The following OXR1 variants were observed in gnomAD, a reference collection of about 807,000 sequenced individuals.
OXR1 encodes the protein oxidation resistance protein 1.
OXR1 carries 41 observed loss-of-function variants against 104.6 expected under a neutral mutation model. The ratio of observed to expected loss-of-function variants is 0.39; its 90% CI spans 0.31 to 0.51. The LOEUF is 0.51. OXR1 is among the 20% of genes least tolerant of loss of function. The pLI is 0.77. For synonymous variants in OXR1, 348 were observed against 348.4 expected (o/e 1.00, Z 0.01); for missense variants, 955 against 1,031.9 (o/e 0.93, Z 1.02).
chr8:106,522,466 A>G (rs764140633), intron 3 of OXR1, among the ~76,000 whole-genome samples: 1 of 152,168 alleles, frequency 6.6e-6, no homozygotes, highest in East Asian at 1.9e-4. Flanking sequence ...AATATTTTCA[A>G]TCAGTGGTTA....
chr8:106,657,270 A>C (rs761660328), intron 3 of OXR1, among the ~76,000 whole-genome samples: 1 of 152,134 alleles, frequency 6.6e-6, no homozygotes, highest in Admixed American at 6.6e-5. Flanking sequence ...TCATGTTTTA[A>C]TTATGATTGC....
At chr8:106,737,663 T>C in intron 12 of OXR1, 63 bp downstream of exon 12, 1 of 570,732 alleles carries the variant, frequency 1.8e-6, no homozygotes, top group East Asian at 3.3e-5. Context: ...TAGTGTTCTT[T>C]GTCATGGCAA....
intron 4 of OXR1, 57 bp downstream of exon 4, chr8:106,679,349 A>T (rs1370242084): frequency 1.1e-6 from 1 of 883,286 alleles, no homozygotes; most frequent in Non-Finnish European, 1.8e-6. Context: ...TCTTTAAGAC[A>T]TTCTCTGTTT....
chr8:106,526,779 G>T (rs1202946803), intron 3 of OXR1, among the ~76,000 whole-genome samples: 1 of 152,216 alleles, frequency 6.6e-6, no homozygotes, highest in African/African-American at 2.4e-5. Flanking sequence ...TCCTGACTTC[G>T]TGATGCGCCC....
intron 2 of OXR1, among the ~76,000 whole-genome samples, chr8:106,426,444 G>A (rs16874595): frequency 0.12 from 17,747 of 151,836 alleles, 1,488 homozygotes; most frequent in East Asian, 0.42. Flanking sequence ...GCTGTTTTCT[G>A]TTCTTCAGGA....
chr8:106,478,494 TTG>T (rs1821925509), intron 2 of OXR1, among the ~76,000 whole-genome samples: 1 of 151,832 alleles, frequency 6.6e-6, no homozygotes, highest in South Asian at 2.1e-4. Flanking sequence ...TTGAATTCTT[TTG>T]TGTCAGAATA....
At chr8:106,502,442 T>C (rs915346982) in intron 2 of OXR1, among the ~76,000 whole-genome samples, 3 of 152,310 alleles carry the variant, frequency 2.0e-5, no homozygotes, top group Non-Finnish European at 2.9e-5. Context: ...AATTATAAAA[T>C]TTGAGACTTT....
intron 1 of OXR1, among the ~76,000 whole-genome samples, chr8:106,280,444 C>T (rs1812232231): frequency 1.3e-5 from 2 of 152,162 alleles, no homozygotes; most frequent in African/African-American, 4.8e-5. Flanking sequence ...CTGGCCGTCC[C>T]TGGCATTTGT....
chr8:106,656,072 A>C (rs1052316942), intron 3 of OXR1: 2 of 152,182 alleles, frequency 1.3e-5, no homozygotes, highest in Admixed American at 1.3e-4. Context: ...ATTAATGAGA[A>C]TTAGACTAAG....
chr8:106,480,241 G>A (rs191166921), intron 2 of OXR1, among the ~76,000 whole-genome samples: 1 of 151,954 alleles, frequency 6.6e-6, no homozygotes, highest in Non-Finnish European at 1.5e-5. Flanking sequence ...ACACCAATAT[G>A]CAGACCCAGC....
At chr8:106,288,614 T>A (rs13274750) in intron 1 of OXR1, among the ~76,000 whole-genome samples, 2 of 148,520 alleles carry the variant, frequency 1.3e-5, no homozygotes, top group African/African-American at 2.5e-5. Context: ...CTCTATATAT[T>A]TATATACACA....
intron 3 of OXR1, among the ~76,000 whole-genome samples, chr8:106,571,128 T>C (rs542537849): frequency 4.0e-5 from 6 of 150,948 alleles, no homozygotes; most frequent in African/African-American, 1.5e-4. Context: ...AAGGCAGATA[T>C]CCACCAAGGT....
chr8:106,412,161 C>T (rs1818481151), intron 2 of OXR1, among the ~76,000 whole-genome samples: 1 of 152,126 alleles, frequency 6.6e-6, no homozygotes, highest in African/African-American at 2.4e-5. Flanking sequence ...CTGTGAGATA[C>T]TAGTGTTTCT....
chr8:106,317,406 T>G (rs1814012956), intron 1 of OXR1, among the ~76,000 whole-genome samples: 1 of 152,186 alleles, frequency 6.6e-6, no homozygotes, highest in Non-Finnish European at 1.5e-5. Flanking sequence ...CATTTATTTA[T>G]TTTTAGCAAT....
intron 11 of OXR1, among the ~76,000 whole-genome samples, chr8:106,729,282 T>C (rs2131510301): frequency 6.6e-6 from 1 of 152,260 alleles, no homozygotes; most frequent in East Asian, 1.9e-4. Flanking sequence ...GCATTCTGGC[T>C]CTAGCTGATG....
chr8:106,636,451 A>C (rs1338392860), intron 3 of OXR1, among the ~76,000 whole-genome samples: 1 of 152,186 alleles, frequency 6.6e-6, no homozygotes, highest in Admixed American at 6.5e-5. Context: ...CTTCCTATAG[A>C]AACCCGAGAA....
chr8:106,339,250 C>CT (rs1815096366), intron 1 of OXR1, among the ~76,000 whole-genome samples: 1 of 151,120 alleles, frequency 6.6e-6, no homozygotes. Flanking sequence ...AATCCCAGCA[C>CT]TTTGGGAGGC....
At chr8:106,739,684 T>C in intron 13 of OXR1, 101 bp downstream of exon 13, 1 of 1,072,236 alleles carries the variant, frequency 9.3e-7, no homozygotes, top group Non-Finnish European at 1.4e-6. Flanking sequence ...GCGTTAATGC[T>C]ATTACTATTC....
intron 3 of OXR1, among the ~76,000 whole-genome samples, chr8:106,660,083 T>C (rs775240797): frequency 1.3e-5 from 2 of 152,244 alleles, no homozygotes; most frequent in Non-Finnish European, 2.9e-5. Flanking sequence ...TCTTTGGGCC[T>C]ATATTTTCTT....
Sources: gnomAD v4.1 joint callset for allele counts (sites outside exome capture counted in the v4.1 genomes callset) on GRCh38, gnomAD v4.1.1 for gene constraint, MANE v1.5 for transcripts, NCBI Gene and HGNC (gene_info 2026-07-23, HGNC 2026-07-21) for gene names.